SMURF2: variants seen among roughly 807,000 people sequenced by gnomAD.
The protein encoded by SMURF2 is E3 ubiquitin-protein ligase SMURF2.
Under a neutral mutation model 109.6 loss-of-function variants are expected in SMURF2, and 48 were observed. The observed-to-expected ratio is 0.44, with a 90% confidence interval of 0.35 to 0.56. The LOEUF is 0.56. SMURF2 is among the 20% of genes least tolerant of loss of function. SMURF2 has a pLI of 0.01. For missense variants in SMURF2, 575 were observed against 909.0 expected (o/e 0.63, Z 4.72); for synonymous variants, 288 against 317.1 (o/e 0.91, Z 0.97).
chr17:64,649,541 T>A (rs1246087766), intron 1 of SMURF2, among the ~76,000 whole-genome samples: 3 of 152,188 alleles, frequency 2.0e-5, no homozygotes, highest in African/African-American at 7.2e-5. Flanking sequence ...AATATATTTT[T>A]AAATATTTAA....
intron 1 of SMURF2, among the ~76,000 whole-genome samples, chr17:64,652,111 C>T (rs141344980): frequency 1.2e-3 from 176 of 152,264 alleles, no homozygotes; most frequent in Non-Finnish European, 2.1e-3. Context: ...CCTCTTTCAT[C>T]ACATCAGTAA....
intron 1 of SMURF2, among the ~76,000 whole-genome samples, chr17:64,616,018 C>T (rs1215362386): frequency 6.6e-6 from 1 of 151,830 alleles, no homozygotes; most frequent in Non-Finnish European, 1.5e-5. Context: ...TTAGTAGAGA[C>T]AGGGTTTCCC....
At chr17:64,596,225 G>A (rs1555688086) in intron 3 of SMURF2, among the ~76,000 whole-genome samples, 1 of 152,008 alleles carries the variant, frequency 6.6e-6, no homozygotes, top group Admixed American at 6.6e-5. Context: ...GTCTCGTTAT[G>A]TTGTAGCTGG....
At chr17:64,624,392 G>C (rs1410415535) in intron 1 of SMURF2, among the ~76,000 whole-genome samples, 6 of 150,612 alleles carry the variant, frequency 4.0e-5, no homozygotes, top group African/African-American at 1.5e-4. Flanking sequence ...GGAGTGGACT[G>C]GTGTAATCTC....
chr17:64,632,438 A>G (rs1315302398), intron 1 of SMURF2, among the ~76,000 whole-genome samples: 5 of 152,054 alleles, frequency 3.3e-5, no homozygotes, highest in African/African-American at 1.2e-4. Flanking sequence ...CCTAACATCA[A>G]CCCTCCCAGG....
At chr17:64,552,904 A>G (rs1196467834) in intron 15 of SMURF2, among the ~76,000 whole-genome samples, 2 of 152,092 alleles carry the variant, frequency 1.3e-5, no homozygotes, top group East Asian at 1.9e-4. Context: ...AGGTTTCACA[A>G]TGTTGGCTAG....
At chr17:64,659,057 G>T (rs1004013384) in intron 1 of SMURF2, among the ~76,000 whole-genome samples, 1 of 152,108 alleles carries the variant, frequency 6.6e-6, no homozygotes, top group African/African-American at 2.4e-5. Flanking sequence ...CACTGATTGT[G>T]GTTTTAAGAA....
In SMURF2 at chr17:64,650,227, A is replaced by G. The variant is rs533991863; in HGVS notation, c.52+11602T>C. The stretch of plus-strand genomic sequence containing the variant: ...GCCTTTTTTTTTTTTTTTTGAGACC[A>G]TGTCTCACTATGTTGCCCAGGCTGG... On this transcript the variant is annotated intron_variant, in intron 1 of 18. Transcript: ENST00000262435. Among the ~76,000 whole-genome samples, 1,278 of 140,268 alleles carry G rather than the reference A, an allele frequency of 9.1e-3. 13 individuals carry two copies. Among genetic ancestry groups the G allele is most frequent in the African/African-American group, 0.034 (1,225 of 35,800 alleles). The allele number at this position is 140,268 out of a possible 152,430, so 92.0% of individuals were successfully genotyped here. A position where few individuals can be genotyped will look rare whatever the true frequency, so the allele number is the denominator to read the frequency against.
chr17:64,607,286 C>T (rs1349722063), intron 1 of SMURF2, among the ~76,000 whole-genome samples: 2 of 152,126 alleles, frequency 1.3e-5, no homozygotes, highest in Non-Finnish European at 2.9e-5. Context: ...CGGATGGATG[C>T]TCAACCTTGT....
chr17:64,650,464 T>C (rs892599473), intron 1 of SMURF2, among the ~76,000 whole-genome samples: 3 of 152,114 alleles, frequency 2.0e-5, no homozygotes, highest in East Asian at 1.9e-4. Flanking sequence ...ACAAAGCTTA[T>C]ACATGGCATA....
chr17:64,551,890 A>G (rs1244472462), intron 15 of SMURF2, among the ~76,000 whole-genome samples, 186 bp from the exon 16 acceptor site: 1 of 152,212 alleles, frequency 6.6e-6, no homozygotes, highest in East Asian at 1.9e-4. Context: ...ACACAGTTCA[A>G]TGTTGATGAA....
intron 1 of SMURF2, among the ~76,000 whole-genome samples, chr17:64,656,667 C>A (rs963299724): frequency 6.6e-6 from 1 of 151,542 alleles, no homozygotes; most frequent in Non-Finnish European, 1.5e-5. Flanking sequence ...AAAAAAGAAT[C>A]CTTAAAAAAA....
chr17:64,627,426 A>C (rs1167047671), intron 1 of SMURF2, among the ~76,000 whole-genome samples: 1 of 152,124 alleles, frequency 6.6e-6, no homozygotes, highest in African/African-American at 2.4e-5. Flanking sequence ...TTAAGCCATT[A>C]AGTTTTGAGA....
chr17:64,607,750 C>A (rs546645159), intron 1 of SMURF2, among the ~76,000 whole-genome samples: 1 of 150,466 alleles, frequency 6.6e-6, no homozygotes, highest in African/African-American at 2.4e-5. Context: ...GTGGCTGGAT[C>A]GCTTGAGGTC....
intron 9 of SMURF2, among the ~76,000 whole-genome samples, chr17:64,577,414 G>A (rs1969508908): frequency 6.6e-6 from 1 of 151,852 alleles, no homozygotes; most frequent in South Asian, 2.1e-4. Flanking sequence ...TGGGGTGGGG[G>A]GAAGGGGGAG....
rs1970487856 is a variant in SMURF2 at position 64,641,099 on chromosome 17, CAG to C, written c.52+20728_52+20729del. On this transcript the variant is annotated intron_variant, in intron 1 of 18. Transcript: ENST00000262435. The stretch of plus-strand genomic sequence containing the variant: ...ACATATTCATATAAATTATTTTATT[CAG>C]ATAGTATCTGCTTTTTTACCAATCT... Among the ~76,000 whole-genome samples, 4 of 151,674 alleles carry C rather than the reference CAG, an allele frequency of 2.6e-5. No homozygotes were observed. In the South Asian group the frequency reaches 8.3e-4, roughly 32 times the overall value.
intron 1 of SMURF2, among the ~76,000 whole-genome samples, chr17:64,651,689 C>T (rs1167314450): frequency 1.3e-5 from 2 of 151,838 alleles, no homozygotes; most frequent in Admixed American, 6.6e-5. Context: ...TTTGGAAAGC[C>T]AAGGCAGGGG....
intron 1 of SMURF2, among the ~76,000 whole-genome samples, chr17:64,646,018 T>C (rs1414261576): frequency 6.6e-6 from 1 of 152,130 alleles, no homozygotes; most frequent in Non-Finnish European, 1.5e-5. Context: ...CCAAGATCTA[T>C]AATTTTAAAA....
intron 14 of SMURF2, 118 bp downstream of exon 14, chr17:64,555,702 T>C (rs906444984): frequency 4.3e-5 from 26 of 598,418 alleles, no homozygotes; most frequent in African/African-American, 7.6e-5. Flanking sequence ...TGCGATCCTA[T>C]CACTCAAATA....
Sources: gnomAD v4.1 joint callset for allele counts (sites outside exome capture counted in the v4.1 genomes callset) on GRCh38, gnomAD v4.1.1 for gene constraint, MANE v1.5 for transcripts, NCBI Gene and HGNC (gene_info 2026-07-23, HGNC 2026-07-21) for gene names.